Variants in RECQL5 observed in about 807,000 individuals in gnomAD.
The protein encoded by RECQL5 is RecQ like helicase 5, also known as ATP-dependent DNA helicase Q5.
Under a neutral mutation model 103.4 loss-of-function variants are expected in RECQL5, and 88 were observed. The observed-to-expected ratio is 0.85, with a 90% CI of 0.72 to 1.02. RECQL5 has a LOEUF of 1.02. RECQL5 is among the 50% of genes least tolerant of loss of function. RECQL5 has a pLI of 0.00. For synonymous variants in RECQL5, 552 were observed against 507.9 expected (o/e 1.09, Z -1.17); for missense variants, 1,232 against 1,284.3 (o/e 0.96, Z 0.62).
chr17:75,662,794 A>G lies in RECQL5; in HGVS notation c.456T>C (p.Ser152=). 6.2e-7 allele frequency: 1 copy of G among 1,614,142 alleles called. No individual in the cohort carries two copies. The highest frequency in any genetic ancestry group is 8.5e-7 in the Non-Finnish European group (1 of 1,180,020). The part of the protein sequence containing the change: ...LNSLVSRHLL[S]YLVVDEAHCV... The stretch of plus-strand genomic sequence containing the variant: ...AATGAGCTTCATCCACCACCAAGTA[A>G]GACAGCAGGTGGCGGGACACCAGGG... Residue 152 remains serine, a synonymous_variant, in exon 4 of 20, where the codon TCT becomes TCC. Coordinates refer to ENST00000317905, the MANE Select transcript of RECQL5 (RefSeq NM_004259.7).
At chr17:75,663,688 C>T (rs1161955141) in intron 3 of RECQL5, among the ~76,000 whole-genome samples, 1 of 152,070 alleles carries the variant, frequency 6.6e-6, no homozygotes, top group Non-Finnish European at 1.5e-5. Flanking sequence ...TGTTTCTTAC[C>T]CTCTGAACGA....
At chr17:75,632,205 T>C (rs541628451) in intron 8 of RECQL5, among the ~76,000 whole-genome samples, 1 of 152,234 alleles carries the variant, frequency 6.6e-6, no homozygotes, top group Non-Finnish European at 1.5e-5. Flanking sequence ...ATTTCTACTG[T>C]ACTTTTTCTA....
chr17:75,651,172 A>T lies in RECQL5; in HGVS notation c.1229+14T>A, dbSNP rs1387943378. On this transcript the variant is annotated intron_variant, in intron 8 of 19. Coordinates refer to ENST00000317905, the MANE Select transcript of RECQL5 (RefSeq NM_004259.7). The stretch of plus-strand genomic sequence containing the variant: ...CACTGACACTTTGCTCCACATATAA[A>T]ATAAGTCACTTACCCCAGTTCTTCA... 1.2e-6 allele frequency: 2 copies of T among 1,614,006 alleles called. No homozygotes were observed. Among genetic ancestry groups the T allele is most frequent in the African/African-American group, 1.3e-5 (1 of 74,896 alleles).
intron 7 of RECQL5, among the ~76,000 whole-genome samples, chr17:75,652,186 C>A (rs2059564265): frequency 6.6e-6 from 1 of 152,050 alleles, no homozygotes; most frequent in Admixed American, 6.6e-5. Flanking sequence ...GAGATCGTGG[C>A]ACTGCACTCC....
rs1487654566 is a variant in RECQL5 at position 75,658,240 on chromosome 17, T to A, written c.1149+58A>T. The A allele has an allele frequency of 9.6e-6, 15 of 1,557,100 alleles. No individual in the cohort carries two copies. The Middle Eastern group carries it at 2.4e-3, about 248-fold the overall frequency. ...CATCATCAGAGTTCAGAAATCAGCT[T>A]CACAAAACTGGAGAGTGGTGGGTCA... On this transcript the variant is annotated intron_variant, in intron 7 of 19. Coordinates refer to ENST00000317905, the MANE Select transcript of RECQL5 (RefSeq NM_004259.7).
chr17:75,628,912 C>T, intron 16 of RECQL5, 22 bp downstream of exon 16: 4 of 1,581,770 alleles, frequency 2.5e-6, no homozygotes, highest in Non-Finnish European at 3.4e-6. Flanking sequence ...CCAGAAGATT[C>T]TATGACTACC....
chr17:75,659,214 A>G (rs1470578542), intron 6 of RECQL5, among the ~76,000 whole-genome samples: 2 of 152,120 alleles, frequency 1.3e-5, no homozygotes. Context: ...GGTGGGCGCC[A>G]CCATGCCCAG....
chr17:75,664,901 A>T, intron 3 of RECQL5, 150 bp downstream of exon 3: 1 of 1,192,252 alleles, frequency 8.4e-7, no homozygotes, highest in East Asian at 2.8e-5. Context: ...CGACAGAGTA[A>T]GACTCTGTCT....
At chr17:75,650,342 A>T in intron 8 of RECQL5, 4 of 1,088,708 alleles carry the variant, frequency 3.7e-6, no homozygotes, top group Non-Finnish European at 4.5e-6. Flanking sequence ...GGTGGAAATA[A>T]AAACACACAG....
rs751843297 is a variant in RECQL5, at chr17:75,631,460, C to G, written c.1438G>C (p.Asp480His). Reference sequence around the variant, plus strand: ...TTCTCGGCCCCTTACCTGCTGAAGTCCCCGTAGCCCTTGCGGCCTCCCTCA... The same window carrying G: ...TTCTCGGCCCCTTACCTGCTGAAGTGCCCGTAGCCCTTGCGGCCTCCCTCA... ...LYEGGRKGYG[D>H]FSRYDEGSGG... The change falls in exon 9 of 20, where the codon GAC (aspartate) becomes CAC (histidine). Residue 480 changes from aspartate (D) to histidine (H), a missense_variant. Transcript: ENST00000317905. 6.2e-7 allele frequency: 1 copy of G among 1,609,970 alleles called. No individual in the cohort carries two copies. Among genetic ancestry groups the G allele is most frequent in the Non-Finnish European group, 8.5e-7 (1 of 1,177,336 alleles).
intron 4 of RECQL5, among the ~76,000 whole-genome samples, chr17:75,662,017 C>T (rs1043339973): frequency 1.8e-4 from 27 of 152,166 alleles, no homozygotes; most frequent in African/African-American, 5.5e-4. Context: ...CAAAATTAAC[C>T]GGGAGTGGTG....
At chr17:75,644,449 A>T (rs2059466382) in intron 8 of RECQL5, among the ~76,000 whole-genome samples, 2 of 148,890 alleles carry the variant, frequency 1.3e-5, no homozygotes, top group South Asian at 4.3e-4. Flanking sequence ...CTACAAATAT[A>T]AAAAAAAATT....
At chr17:75,628,179 C>G (rs776105599) in intron 18 of RECQL5, 39 bp downstream of exon 18, 1 of 1,558,672 alleles carries the variant, frequency 6.4e-7, no homozygotes, top group Non-Finnish European at 8.8e-7. Flanking sequence ...CCACATACCC[C>G]AGGCATGGGA....
chr17:75,659,773 A>G (rs2059675021), intron 6 of RECQL5, among the ~76,000 whole-genome samples: 1 of 152,214 alleles, frequency 6.6e-6, no homozygotes, highest in Non-Finnish European at 1.5e-5. Flanking sequence ...GTATGCAAAC[A>G]TGCTCCGTAA....
At chr17:75,656,405 G>A (rs750587193) in intron 7 of RECQL5, among the ~76,000 whole-genome samples, 3 of 152,102 alleles carry the variant, frequency 2.0e-5, no homozygotes, top group African/African-American at 4.8e-5. Flanking sequence ...AAAAAAACTC[G>A]TGTTAACAGC....
intron 8 of RECQL5, 63 bp from the exon 9 acceptor site, chr17:75,631,731 C>G (rs1040754647): frequency 6.4e-7 from 1 of 1,560,528 alleles, no homozygotes; most frequent in South Asian, 1.1e-5. Context: ...GTCTGTTCAC[C>G]CGAGCCTGAA....
intron 17 of RECQL5, 93 bp downstream of exon 17, chr17:75,628,579 T>C (rs1385829338): frequency 1.3e-6 from 2 of 1,504,222 alleles, no homozygotes; most frequent in East Asian, 2.4e-5. Flanking sequence ...GAAAGAAAGC[T>C]GATTTTCCCT....
At position 75,627,352 on chromosome 17, in the gene RECQL5, C is replaced by G; in HGVS notation, c.*70G>C. 1 of 1,156,732 alleles carries G rather than the reference C, an allele frequency of 8.6e-7. No homozygotes were observed. The highest frequency in any genetic ancestry group is 1.3e-6 in the Non-Finnish European group (1 of 772,140). 71.7% of individuals were successfully genotyped at this position (1,156,732 alleles called of 1,614,324 possible). ...GAAAAGACGATGGCCCTGGCATCAGCAGGTGAGGCCCAGGATGACCCATGC... is the reference window on the plus strand; with the variant it reads ...GAAAAGACGATGGCCCTGGCATCAGGAGGTGAGGCCCAGGATGACCCATGC... On this transcript the variant is annotated 3_prime_UTR_variant, in exon 20 of 20. Transcript: ENST00000317905.
chr17:75,650,057 C>T (rs1270824800), intron 8 of RECQL5: 1 of 985,652 alleles, frequency 1.0e-6, no homozygotes, highest in Non-Finnish European at 1.2e-6. Flanking sequence ...GCAAACAGGA[C>T]TCACAATGAA....
Sources: gnomAD v4.1 joint callset for allele counts (sites outside exome capture counted in the v4.1 genomes callset) on GRCh38, gnomAD v4.1.1 for gene constraint, MANE v1.5 for transcripts, NCBI Gene and HGNC (gene_info 2026-07-23, HGNC 2026-07-21) for gene names.